UBE2V2: variants seen among roughly 807,000 people sequenced by gnomAD.
UBE2V2 encodes the protein ubiquitin conjugating enzyme E2 V2.
UBE2V2 carries 9 observed loss-of-function variants against 17.2 expected under a neutral mutation model. The ratio of observed to expected loss-of-function variants is 0.52; its 90% confidence interval spans 0.32 to 0.91. The LOEUF (loss-of-function observed/expected upper bound fraction) is 0.91. Ranked by LOEUF, UBE2V2 falls within the 40% of genes least tolerant of loss-of-function variation. The pLI, the probability that UBE2V2 is intolerant of heterozygous loss-of-function variation, is 0.04. For missense variants in UBE2V2, 133 were observed against 182.6 expected, an observed-to-expected ratio of 0.73 and a Z score of 1.56; for synonymous variants, 61 against 57.5, an observed-to-expected ratio of 1.06 and a Z score of -0.28.
Position 48,008,445 on chromosome 8 carries a change from G to A in UBE2V2, c.-10G>A, listed in dbSNP as rs764568158. ...TGCGTGCGGGCGGCTGCGTCGGGCTGCAGGAGAAGATGGCGGTCTCCACAG... is the reference window on the plus strand; with the variant it reads ...TGCGTGCGGGCGGCTGCGTCGGGCTACAGGAGAAGATGGCGGTCTCCACAG... On this transcript the variant is annotated 5_prime_UTR_variant, in exon 1 of 4. Transcript: ENST00000523111. 1.3e-6 allele frequency: 2 copies of A among 1,566,268 alleles called. No individual in the cohort carries two copies. The highest frequency in any genetic ancestry group is 1.7e-6 in the Non-Finnish European group (2 of 1,158,666).
chr8:48,031,044 A>G (rs1268224886), intron 1 of UBE2V2, among the ~76,000 whole-genome samples: 1 of 151,882 alleles, frequency 6.6e-6, no homozygotes, highest in Non-Finnish European at 1.5e-5. Flanking sequence ...AAAAAACCAA[A>G]ACACAAAAAC....
chr8:48,023,251 C>CT (rs1249022124), intron 1 of UBE2V2, among the ~76,000 whole-genome samples: 1 of 150,230 alleles, frequency 6.7e-6, no homozygotes, highest in Admixed American at 6.7e-5. Flanking sequence ...GAGTATTGCT[C>CT]TATCGCCAGG....
At position 48,014,382 on chromosome 8, in the gene UBE2V2, C is replaced by T. The variant is rs577100416; in HGVS notation, c.16+5912C>T. ...GGAAAGGGCCGGGCATGGTGGCTCA[C>T]GCCTGTAATCCCAGCACTTTGGGAG... On this transcript the variant is annotated intron_variant, in intron 1 of 3. Coordinates refer to ENST00000523111, the MANE Select transcript of UBE2V2 (RefSeq NM_003350.3). 5.9e-5 allele frequency among the ~76,000 whole-genome samples: 9 copies of T among 152,294 alleles called. No individual in the cohort carries two copies. The East Asian group carries it at 1.3e-3, about 23-fold the overall frequency.
chr8:48,036,202 A>G (rs1173802616), intron 1 of UBE2V2, among the ~76,000 whole-genome samples: 1 of 151,204 alleles, frequency 6.6e-6, no homozygotes, highest in Non-Finnish European at 1.5e-5. Context: ...CGATCCTCCC[A>G]CCTTGGCCTC....
rs1025443319 is a variant in UBE2V2, at chr8:48,062,779, A to G, written c.*1951A>G. The G allele has an allele frequency of 6.6e-6, 1 of 152,198 alleles. No homozygotes were observed. Among genetic ancestry groups the G allele is most frequent in the East Asian group, 1.9e-4 (1 of 5,208 alleles). The allele number at this position is 152,198 out of a possible 1,614,324, so 9.4% of individuals were successfully genotyped here. A position where few individuals can be genotyped will look rare whatever the true frequency, so the allele number is the denominator to read the frequency against. ...ACAGTTTATGTAAACATTAATTTCA[A>G]CATGGCTGTTGCATTTTAATTATCA... On this transcript the variant is annotated 3_prime_UTR_variant, in exon 4 of 4. Transcript: ENST00000523111.
At chr8:48,010,600 A>C (rs1037314682) in intron 1 of UBE2V2, among the ~76,000 whole-genome samples, 12 of 147,224 alleles carry the variant, frequency 8.2e-5, no homozygotes, top group African/African-American at 3.0e-4. Flanking sequence ...ACGGGGTTTC[A>C]CCATATTGGC....
At chr8:48,056,466 C>T (rs992804578) in intron 3 of UBE2V2, among the ~76,000 whole-genome samples, 1 of 152,114 alleles carries the variant, frequency 6.6e-6, no homozygotes, top group African/African-American at 2.4e-5. Context: ...TACATTGCTA[C>T]CACTAGTGTA....
chr8:47,999,481 C>T, the UBE2V2 span, among the ~76,000 whole-genome samples: 43 of 151,916 alleles, frequency 2.8e-4, no homozygotes, highest in Non-Finnish European at 5.0e-4. Context: ...CTCAGCCTCC[C>T]GAGTAGCTGG....
At chr8:48,021,058 T>C (rs2091301437) in intron 1 of UBE2V2, among the ~76,000 whole-genome samples, 1 of 151,562 alleles carries the variant, frequency 6.6e-6, no homozygotes, top group Admixed American at 6.6e-5. Flanking sequence ...TATTGCTTTT[T>C]ATGTTTTATC....
chr8:48,037,027 A>G (rs1465746277), intron 1 of UBE2V2, among the ~76,000 whole-genome samples: 1 of 152,144 alleles, frequency 6.6e-6, no homozygotes, highest in Non-Finnish European at 1.5e-5. Context: ...AAAAATACAA[A>G]TATTAGCCAT....
At chr8:48,033,901 G>T (rs553206769) in intron 1 of UBE2V2, among the ~76,000 whole-genome samples, 21 of 152,208 alleles carry the variant, frequency 1.4e-4, no homozygotes, top group African/African-American at 4.8e-4. Context: ...AGGCTGCAGT[G>T]AGTTTTGATT....
chr8:48,038,046 C>G (rs1013750754), intron 1 of UBE2V2, among the ~76,000 whole-genome samples: 7 of 152,192 alleles, frequency 4.6e-5, no homozygotes, highest in African/African-American at 1.7e-4. Flanking sequence ...CCAGCATTCT[C>G]TCTCTCTTTT....
intron 1 of UBE2V2, among the ~76,000 whole-genome samples, chr8:48,033,888 A>G (rs1053166885): frequency 1.2e-4 from 19 of 152,052 alleles, no homozygotes; most frequent in Non-Finnish European, 2.5e-4. Flanking sequence ...GCCTAGGTGG[A>G]TGAGGCTGCA....
chr8:48,029,053 T>C (rs2091366039), intron 1 of UBE2V2, among the ~76,000 whole-genome samples: 1 of 152,140 alleles, frequency 6.6e-6, no homozygotes. Context: ...GGTACTTTGT[T>C]TTAAAAACAA....
the UBE2V2 span, among the ~76,000 whole-genome samples, chr8:47,998,210 T>C: frequency 6.6e-6 from 1 of 152,032 alleles, no homozygotes; most frequent in Non-Finnish European, 1.5e-5. Flanking sequence ...TTAGGGCAGA[T>C]TTCTGAACGG....
intron 1 of UBE2V2, among the ~76,000 whole-genome samples, chr8:48,032,566 A>G (rs1409058587): frequency 6.6e-6 from 1 of 152,174 alleles, no homozygotes; most frequent in Non-Finnish European, 1.5e-5. Context: ...CAGCCTGGGC[A>G]GCCTAGCAAG....
Position 48,034,918 on chromosome 8 carries a change from A to T in UBE2V2, c.17-8115A>T, listed in dbSNP as rs1589858030. 4 of 546,406 alleles carry T rather than the reference A, an allele frequency of 7.3e-6. No individual in the cohort carries two copies. The South Asian group carries it at 3.2e-4, about 43-fold the overall frequency. 33.8% of individuals were successfully genotyped at this position (546,406 alleles called of 1,614,324 possible). ...TGAAGGGATAGGCTTGTTGCCCGGG[A>T]CGCCTTGCTCCCCCTCCCTGCAGCC... is the stretch of plus-strand genomic sequence containing the variant. On this transcript the variant is annotated intron_variant, in intron 1 of 3. Transcript: ENST00000523111.
intron 3 of UBE2V2, among the ~76,000 whole-genome samples, chr8:48,055,345 G>T (rs1246855767): frequency 6.6e-6 from 1 of 151,534 alleles, no homozygotes; most frequent in African/African-American, 2.4e-5. Flanking sequence ...GATTACAGGC[G>T]CCCGCCAACA....
At chr8:48,032,071 GT>G (rs1486489467) in intron 1 of UBE2V2, among the ~76,000 whole-genome samples, 1 of 152,064 alleles carries the variant, frequency 6.6e-6, no homozygotes, top group Non-Finnish European at 1.5e-5. Flanking sequence ...GTATCATGTA[GT>G]TGGTTATGCC....
Sources: gnomAD v4.1 joint callset for allele counts (sites outside exome capture counted in the v4.1 genomes callset) on GRCh38, gnomAD v4.1.1 for gene constraint, MANE v1.5 for transcripts, NCBI Gene and HGNC (gene_info 2026-07-23, HGNC 2026-07-21) for gene names.